Variants in NEBL observed in about 807,000 individuals in gnomAD.
NEBL encodes nebulette.
A neutral mutation model predicts 140.2 loss-of-function variants in NEBL; 122 were observed. The observed-to-expected ratio is 0.87, with a 90% confidence interval of 0.75 to 1.01. The LOEUF (loss-of-function observed/expected upper bound fraction) is 1.01, where lower values mean the gene tolerates loss of function less well. Among genes scored for constraint, NEBL ranks in the 50% least tolerant of loss-of-function variants. The pLI is 0.00. For missense variants in NEBL, 1,365 were observed against 1,231.3 expected (o/e 1.11, Z -1.62); for synonymous variants, 436 against 398.9 (o/e 1.09, Z -1.11).
chr10:20,943,577 G>A (rs961612759), intron 4 of NEBL, among the ~76,000 whole-genome samples: 1 of 151,820 alleles, frequency 6.6e-6, no homozygotes, highest in Non-Finnish European at 1.5e-5. Context: ...TACCCTAAAA[G>A]TTAAAGTATA....
intron 2 of NEBL, among the ~76,000 whole-genome samples, chr10:21,052,804 G>A (rs542946918): frequency 2.6e-5 from 4 of 152,118 alleles, no homozygotes; most frequent in African/African-American, 4.8e-5. Flanking sequence ...GAGGGCCACC[G>A]GTGGTGCATA....
At chr10:21,083,416 T>G (rs1836477768) in intron 2 of NEBL, among the ~76,000 whole-genome samples, 2 of 152,200 alleles carry the variant, frequency 1.3e-5, no homozygotes, top group African/African-American at 4.8e-5. Context: ...AGCAATGATC[T>G]GTTCAAGGGG....
At chr10:21,003,497 C>T (rs2131720944) in intron 3 of NEBL, among the ~76,000 whole-genome samples, 1 of 152,294 alleles carries the variant, frequency 6.6e-6, no homozygotes, top group Admixed American at 6.5e-5. Flanking sequence ...CACATTTGAA[C>T]TATTTTCTGA....
At chr10:20,972,296 T>C (rs1386662733) in intron 3 of NEBL, among the ~76,000 whole-genome samples, 1 of 152,212 alleles carries the variant, frequency 6.6e-6, no homozygotes, top group Non-Finnish European at 1.5e-5. Context: ...ATTAAAATTG[T>C]TCCTAACCTC....
At chr10:21,035,978 C>T (rs1156637538) in intron 2 of NEBL, among the ~76,000 whole-genome samples, 2 of 151,954 alleles carry the variant, frequency 1.3e-5, no homozygotes, top group African/African-American at 4.8e-5. Context: ...GCCTGGCCAA[C>T]ATGGTGAAAT....
At chr10:20,899,133 T>G (rs1847727580), upstream of NEBL, among the ~76,000 whole-genome samples, 1 of 152,224 alleles carries the variant, frequency 6.6e-6, no homozygotes, top group South Asian at 2.1e-4. Context: ...AAAGAATGTG[T>G]GCATTCCAAT....
chr10:20,799,438 G>A (rs1836885235), intron 26 of NEBL, among the ~76,000 whole-genome samples: 1 of 152,178 alleles, frequency 6.6e-6, no homozygotes, highest in South Asian at 2.1e-4. Flanking sequence ...TTGCAGGCGT[G>A]CCCGGTTCAT....
At chr10:21,098,219 C>CG (rs1482280767) in intron 2 of NEBL, among the ~76,000 whole-genome samples, 8 of 55,182 alleles carry the variant, frequency 1.4e-4, no homozygotes, top group Non-Finnish European at 7.0e-4. Flanking sequence ...CACATTCTCA[C>CG]TCACACGTGC....
chr10:21,214,013 A>G (rs1841953593), intron 3 of NEBL, among the ~76,000 whole-genome samples: 1 of 152,178 alleles, frequency 6.6e-6, no homozygotes, highest in African/African-American at 2.4e-5. Flanking sequence ...CCACAATTAT[A>G]AAACTCAGCA....
chr10:20,961,615 TTCTCATCCAG>T, intron 4 of NEBL: 4 of 1,285,968 alleles, frequency 3.1e-6, no homozygotes, highest in African/African-American at 1.5e-5. Flanking sequence ...CAGCCTCCCT[TTCTCATCCAG>T]AAATGCACAT....
At chr10:21,233,118 A>G (rs975897082) in intron 3 of NEBL, among the ~76,000 whole-genome samples, 7 of 152,196 alleles carry the variant, frequency 4.6e-5, no homozygotes, top group African/African-American at 1.7e-4. Context: ...GCTGGAGTAC[A>G]ATGGCACAAT....
At chr10:21,103,412 A>C (rs1837566294) in intron 2 of NEBL, among the ~76,000 whole-genome samples, 1 of 151,964 alleles carries the variant, frequency 6.6e-6, no homozygotes, top group Non-Finnish European at 1.5e-5. Flanking sequence ...ATGGGGTTTC[A>C]CCATGTTAGC....
intron 1 of NEBL, among the ~76,000 whole-genome samples, chr10:21,290,902 G>A (rs932045550): frequency 6.6e-6 from 1 of 152,100 alleles, no homozygotes; most frequent in Non-Finnish European, 1.5e-5. Flanking sequence ...GCTTATGCAT[G>A]TTAGTAACTT....
rs11012356 is a variant in NEBL at position 20,841,802 on chromosome 10, T to C, written c.1228-953A>G. On this transcript the variant is annotated intron_variant, in intron 12 of 27. Transcript: ENST00000377122. Reference sequence around the variant, plus strand: ...CTCTTTCTTCATCTCTTGGTTCTGTTTTCTCTATTGGCTTTGCTTTTGGAA... The same window carrying C: ...CTCTTTCTTCATCTCTTGGTTCTGTCTTCTCTATTGGCTTTGCTTTTGGAA... Among the ~76,000 whole-genome samples the C allele has an allele frequency of 1.3e-3, 205 of 152,206 alleles. 4 individuals carry two copies. In the East Asian group the frequency reaches 0.032, roughly 23 times the overall value.
chr10:21,127,088 G>C (rs922582550), intron 2 of NEBL, among the ~76,000 whole-genome samples: 1 of 151,138 alleles, frequency 6.6e-6, no homozygotes, highest in African/African-American at 2.4e-5. Context: ...GTTTTATAAT[G>C]AGTTGATAAG....
At chr10:21,027,111 T>C (rs1159614785) in intron 2 of NEBL, among the ~76,000 whole-genome samples, 1 of 152,132 alleles carries the variant, frequency 6.6e-6, no homozygotes, top group East Asian at 1.9e-4. Context: ...CTGATTTTGC[T>C]CTGTGTCTTT....
At chr10:21,224,287 A>C (rs1311108181) in intron 3 of NEBL, among the ~76,000 whole-genome samples, 1 of 152,138 alleles carries the variant, frequency 6.6e-6, no homozygotes, top group Non-Finnish European at 1.5e-5. Flanking sequence ...TCTTCAATGC[A>C]TGTTCTTGGC....
intron 4 of NEBL, among the ~76,000 whole-genome samples, chr10:20,957,714 A>G (rs770844685): frequency 8.5e-5 from 13 of 152,178 alleles, no homozygotes; most frequent in Admixed American, 1.3e-4. Flanking sequence ...TGACAAATCA[A>G]ATAATGGTAC....
At chr10:21,120,277 A>C (rs1838474409) in intron 2 of NEBL, among the ~76,000 whole-genome samples, 3 of 150,138 alleles carry the variant, frequency 2.0e-5, no homozygotes, top group Admixed American at 2.0e-4. Flanking sequence ...CTGGAGGCTG[A>C]GATAGAAGGA....
Sources: allele counts gnomAD v4.1 joint callset (sites outside exome capture counted in the v4.1 genomes callset), GRCh38; gene constraint gnomAD v4.1.1; transcripts MANE v1.5; gene names NCBI Gene and HGNC (gene_info 2026-07-23, HGNC 2026-07-21).